DLC1: variants seen among roughly 807,000 people sequenced by gnomAD.
The protein encoded by DLC1 is DLC1 Rho GTPase activating protein, also known as rho GTPase-activating protein 7.
DLC1 carries 54 observed loss-of-function variants against 140.3 expected under a neutral mutation model. That is an observed-to-expected ratio of 0.38 (90% confidence interval 0.31 to 0.48). The LOEUF (loss-of-function observed/expected upper bound fraction) is 0.48. Among genes scored for constraint, DLC1 ranks in the 20% least tolerant of loss-of-function variants. The pLI is 0.96. For synonymous variants in DLC1, 986 were observed against 728.1 expected (o/e 1.35, Z -5.70); for missense variants, 2,536 against 1,907.0 (o/e 1.33, Z -6.14).
chr8:13,178,364 C>A (rs1825861951), intron 5 of DLC1, among the ~76,000 whole-genome samples: 1 of 151,966 alleles, frequency 6.6e-6, no homozygotes, highest in Admixed American at 6.6e-5. Flanking sequence ...AGATCAAGAC[C>A]ATCCTGGCCA....
intron 1 of DLC1, among the ~76,000 whole-genome samples, chr8:13,560,950 A>G (rs1248443988): frequency 6.6e-6 from 1 of 152,192 alleles, no homozygotes; most frequent in South Asian, 2.1e-4. Flanking sequence ...TCCTTTACAA[A>G]AAGGTCACTG....
intron 5 of DLC1, among the ~76,000 whole-genome samples, chr8:13,231,901 A>G (rs973160143): frequency 6.6e-6 from 1 of 152,210 alleles, no homozygotes; most frequent in Non-Finnish European, 1.5e-5. Flanking sequence ...GTATTTTTAT[A>G]GGCCCCTGTG....
At chr8:13,534,780 T>C (rs1803216077) in intron 1 of DLC1, among the ~76,000 whole-genome samples, 1 of 152,188 alleles carries the variant, frequency 6.6e-6, no homozygotes, top group Non-Finnish European at 1.5e-5. Flanking sequence ...ATTTTGTTGT[T>C]AGGCTTCTAT....
chr8:13,242,979 C>G (rs1194123232), intron 5 of DLC1, among the ~76,000 whole-genome samples: 2 of 151,790 alleles, frequency 1.3e-5, no homozygotes, highest in Non-Finnish European at 2.9e-5. Context: ...GTGGATTTCC[C>G]CCTTGTTGTT....
chr8:13,542,224 G>A (rs1300665316), intron 1 of DLC1, among the ~76,000 whole-genome samples: 1 of 152,100 alleles, frequency 6.6e-6, no homozygotes, highest in Non-Finnish European at 1.5e-5. Context: ...GTTCTATTTA[G>A]AGACTGTCTG....
chr8:13,473,101 G>A (rs982219155), intron 2 of DLC1, among the ~76,000 whole-genome samples: 1 of 152,156 alleles, frequency 6.6e-6, no homozygotes, highest in Non-Finnish European at 1.5e-5. Context: ...GGGGTGATAT[G>A]CAGACTTGAT....
intron 4 of DLC1, among the ~76,000 whole-genome samples, chr8:13,365,490 A>G (rs1426751167): frequency 1.3e-5 from 2 of 152,174 alleles, no homozygotes; most frequent in Non-Finnish European, 2.9e-5. Context: ...AGATGTGACC[A>G]GAGTTCAAAC....
chr8:13,090,726 T>C (rs1161269389), intron 14 of DLC1, among the ~76,000 whole-genome samples: 1 of 152,176 alleles, frequency 6.6e-6, no homozygotes, highest in East Asian at 1.9e-4. Context: ...GTGAATTACA[T>C]TGGTCAAAGC....
In DLC1 at chr8:13,092,746, C is replaced by T. The variant is rs893186834; in HGVS notation, c.3606G>A (p.Gln1202=). ...LLPDENREVL[Q]TLLYFLSDVT... Reference sequence around the variant, plus strand: ...CATCGCTCAGGAAATAAAGCAGGGTCTGCAGAACCTCCCGGTTCTCGTCAG... The same window carrying T: ...CATCGCTCAGGAAATAAAGCAGGGTTTGCAGAACCTCCCGGTTCTCGTCAG... The change falls in exon 13 of 18, where the codon CAG becomes CAA. Residue 1202 remains glutamine, a synonymous_variant. Transcript: ENST00000276297. 2 of 1,614,168 alleles carry T rather than the reference C, an allele frequency of 1.2e-6. No individual in the cohort carries two copies. Among genetic ancestry groups the T allele is most frequent in the Non-Finnish European group, 1.7e-6 (2 of 1,180,022 alleles).
At chr8:13,537,978 T>G (rs182549301) in intron 1 of DLC1, among the ~76,000 whole-genome samples, 1,678 of 152,248 alleles carry the variant, frequency 0.011, 44 homozygotes, top group African/African-American at 0.039. Flanking sequence ...CTTGAGAGGT[T>G]AATACGTTCC....
intron 5 of DLC1, among the ~76,000 whole-genome samples, chr8:13,170,341 C>T (rs926074563): frequency 6.6e-6 from 1 of 152,182 alleles, no homozygotes; most frequent in Non-Finnish European, 1.5e-5. Context: ...ATTAAACACT[C>T]TTTCATAGCA....
At chr8:13,352,750 T>G (rs1466421837) in intron 4 of DLC1, among the ~76,000 whole-genome samples, 1 of 152,182 alleles carries the variant, frequency 6.6e-6, no homozygotes, top group African/African-American at 2.4e-5. Context: ...AATACACTGT[T>G]TTTTTGGAGA....
chr8:13,357,755 T>G (rs79657330), intron 4 of DLC1, among the ~76,000 whole-genome samples: 1 of 152,222 alleles, frequency 6.6e-6, no homozygotes, highest in South Asian at 2.1e-4. Context: ...GCAATAGATA[T>G]GTTGAACTCT....
At chr8:13,452,941 T>C (rs1167966702) in intron 2 of DLC1, among the ~76,000 whole-genome samples, 2 of 152,174 alleles carry the variant, frequency 1.3e-5, no homozygotes, top group South Asian at 4.1e-4. Context: ...GTAATTGTAA[T>C]TAAATAACAA....
At chr8:13,312,184 ACC>A (rs1311608029) in intron 4 of DLC1, among the ~76,000 whole-genome samples, 1 of 130,964 alleles carries the variant, frequency 7.6e-6, no homozygotes, top group African/African-American at 2.9e-5. Flanking sequence ...ACACGGTGAA[ACC>A]CCGTCTCTAC....
intron 5 of DLC1, among the ~76,000 whole-genome samples, chr8:13,199,498 C>G (rs996604542): frequency 6.6e-6 from 1 of 152,104 alleles, no homozygotes; most frequent in Non-Finnish European, 1.5e-5. Flanking sequence ...TCTTCAGAAC[C>G]CTACTGCAAC....
intron 5 of DLC1, among the ~76,000 whole-genome samples, chr8:13,275,022 G>T (rs1831103379): frequency 6.6e-6 from 1 of 152,140 alleles, no homozygotes; most frequent in South Asian, 2.1e-4. Flanking sequence ...TTTCTTTAGG[G>T]TGCCACATTT....
intron 2 of DLC1, among the ~76,000 whole-genome samples, chr8:13,417,803 T>A (rs577298832): frequency 6.6e-6 from 1 of 151,968 alleles, no homozygotes; most frequent in African/African-American, 2.4e-5. Flanking sequence ...TCCACAATGG[T>A]TGAACTAGTT....
Position 13,100,614 on chromosome 8 carries a change from C to G in DLC1, c.1723G>C (p.Gly575Arg), listed in dbSNP as rs762750959. 5 of 1,614,034 alleles carry G rather than the reference C, an allele frequency of 3.1e-6. No homozygotes were observed. Among genetic ancestry groups the G allele is most frequent in the Non-Finnish European group, 4.2e-6 (5 of 1,179,996 alleles). ...GSPDDSHPKD[G>R]PSPGGTLMDL... Reference sequence around the variant, plus strand: ...ATCAGCGTGCCTCCGGGGCTGGGGCCGTCCTTCGGGTGGGAGTCGTCTGGG... The same window carrying G: ...ATCAGCGTGCCTCCGGGGCTGGGGCGGTCCTTCGGGTGGGAGTCGTCTGGG... Residue 575 changes from glycine to arginine, a missense_variant, in exon 9 of 18, where the codon GGC becomes CGC. Physicochemically the swap from Gly to Arg is moderately radical, Grantham distance 125. Coordinates refer to ENST00000276297, the MANE Select transcript of DLC1 (RefSeq NM_182643.3).
Sources: gnomAD v4.1 joint callset for allele counts (sites outside exome capture counted in the v4.1 genomes callset) on GRCh38, gnomAD v4.1.1 for gene constraint, MANE v1.5 for transcripts, NCBI Gene and HGNC (gene_info 2026-07-23, HGNC 2026-07-21) for gene names.